The following CCDC93 variants were observed in gnomAD, a reference collection of about 807,000 sequenced individuals.
CCDC93 encodes the protein CCC complex scaffolding subunit CCDC93, also known as coiled-coil domain-containing protein 93.
In CCDC93, 61 loss-of-function variants were observed where a neutral mutation model predicts 108.2. The ratio of observed to expected loss-of-function variants is 0.56; its 90% CI spans 0.46 to 0.70. The LOEUF (loss-of-function observed/expected upper bound fraction) is 0.70. CCDC93 is among the 30% of genes least tolerant of loss of function. CCDC93 has a pLI of 0.00. For synonymous variants in CCDC93, 276 were observed against 260.4 expected (o/e 1.06, Z -0.58); for missense variants, 685 against 764.2 (o/e 0.90, Z 1.22).
At chr2:117,968,038 A>G (rs899851708) in intron 11 of CCDC93, among the ~76,000 whole-genome samples, 2 of 152,220 alleles carry the variant, frequency 1.3e-5, no homozygotes, top group Non-Finnish European at 2.9e-5. Flanking sequence ...GTGCCTCTAG[A>G]GCTATAAAAT....
chr2:117,934,125 ATTCATGGAGTTTTT>A (rs1371092097), intron 22 of CCDC93: 2 of 152,196 alleles, frequency 1.3e-5, no homozygotes, highest in Non-Finnish European at 2.9e-5. Flanking sequence ...AACAACAGGA[ATTCATGGAGTTTTT>A]TCCTTTGGCC....
rs1469333534 is a variant in CCDC93 at position 117,918,056 on chromosome 2, C to T, written c.*2287G>A. On this transcript the variant is annotated 3_prime_UTR_variant, in exon 24 of 24. Coordinates refer to ENST00000376300, the MANE Select transcript of CCDC93 (RefSeq NM_019044.5). ...TCCATACTATGTCTGTCTAAGCACA[C>T]AGAGCCATAGCCCTGGGAAGATGAC... is the stretch of plus-strand genomic sequence containing the variant. 1 of 152,166 alleles carries T rather than the reference C, an allele frequency of 6.6e-6. No homozygotes were observed. The highest frequency in any genetic ancestry group is 2.4e-5 in the African/African-American group (1 of 41,416). 9.4% of individuals were successfully genotyped at this position (152,166 alleles called of 1,614,324 possible).
intron 6 of CCDC93, among the ~76,000 whole-genome samples, chr2:117,988,287 G>C (rs1419835200): frequency 6.6e-6 from 1 of 152,150 alleles, no homozygotes; most frequent in Non-Finnish European, 1.5e-5. Context: ...AGGTTCACCT[G>C]TCAGAGTAAT....
intron 11 of CCDC93, among the ~76,000 whole-genome samples, chr2:117,962,370 G>C (rs754822306): frequency 6.6e-6 from 1 of 152,184 alleles, no homozygotes; most frequent in Non-Finnish European, 1.5e-5. Flanking sequence ...TAGGCTGGGC[G>C]CAGTGGCTCG....
Position 117,939,028 on chromosome 2 carries a change from C to T in CCDC93, c.1605+1G>A. 6.5e-7 allele frequency: 1 copy of T among 1,536,672 alleles called. No homozygotes were observed. Among genetic ancestry groups the T allele is most frequent in the Non-Finnish European group, 9.0e-7 (1 of 1,111,522 alleles). On this transcript the variant is annotated splice_donor_variant, in intron 20 of 23. Coordinates refer to ENST00000376300, the MANE Select transcript of CCDC93 (RefSeq NM_019044.5). LOFTEE classifies it high-confidence loss of function. ...CATTTTCTTTTTATAAATGTTCTTACCTCTTTTTCCAAATAAACCTTTTTA... is the reference window on the plus strand; with the variant it reads ...CATTTTCTTTTTATAAATGTTCTTATCTCTTTTTCCAAATAAACCTTTTTA...
intron 6 of CCDC93, among the ~76,000 whole-genome samples, 162 bp from the exon 7 acceptor site, chr2:117,986,231 C>T (rs1180977488): frequency 2.1e-5 from 3 of 141,540 alleles, no homozygotes; most frequent in Non-Finnish European, 3.0e-5. Flanking sequence ...GTGGCGCGAT[C>T]TCGGCTCACT....
At chr2:117,954,833 C>T (rs1242190475) in intron 12 of CCDC93, among the ~76,000 whole-genome samples, 1 of 152,144 alleles carries the variant, frequency 6.6e-6, no homozygotes, top group African/African-American at 2.4e-5. Context: ...CCATGGTGTT[C>T]TCGTGATAGT....
Position 117,973,890 on chromosome 2 carries a change from A to C in CCDC93, c.888+18T>G. On this transcript the variant is annotated intron_variant, in intron 11 of 23. Coordinates refer to ENST00000376300, the MANE Select transcript of CCDC93 (RefSeq NM_019044.5). ...GAGCATTATCTGGGGCACAGACTCC[A>C]GCTGGGCCCCCACCTACCTTCTCTG... 6.3e-7 allele frequency: 1 copy of C among 1,585,942 alleles called. No homozygotes were observed. Among genetic ancestry groups the C allele is most frequent in the Non-Finnish European group, 8.6e-7 (1 of 1,159,080 alleles).
chr2:117,983,223 A>G (rs999301522), intron 7 of CCDC93, among the ~76,000 whole-genome samples: 1 of 152,146 alleles, frequency 6.6e-6, no homozygotes, highest in African/African-American at 2.4e-5. Context: ...GGTCTGATTC[A>G]TTTCCCCTAA....
intron 1 of CCDC93, among the ~76,000 whole-genome samples, chr2:118,010,180 C>A (rs1420094122): frequency 6.6e-6 from 1 of 152,104 alleles, no homozygotes; most frequent in Non-Finnish European, 1.5e-5. Context: ...TAGTTTCGAT[C>A]TCCTGACCTC....
chr2:117,920,426 G>T (rs1334498131), intron 23 of CCDC93, 30 bp from the exon 24 acceptor site: 2 of 1,556,362 alleles, frequency 1.3e-6, no homozygotes, highest in South Asian at 2.3e-5. Context: ...TATAGAGAGA[G>T]TGGTGACTAC....
intron 20 of CCDC93, 79 bp from the exon 21 acceptor site, chr2:117,936,818 C>A: frequency 9.4e-7 from 1 of 1,058,654 alleles, no homozygotes; most frequent in South Asian, 1.3e-5. Context: ...GCAAGCTTGC[C>A]TGTCTCCACA....
chr2:117,956,574 G>C (rs1407672809), intron 12 of CCDC93, among the ~76,000 whole-genome samples: 1 of 152,194 alleles, frequency 6.6e-6, no homozygotes, highest in Non-Finnish European at 1.5e-5. Flanking sequence ...TCCTGATTCT[G>C]TGATGAGTTC....
Position 117,975,174 on chromosome 2 carries a change from C to T in CCDC93, c.750+14G>A. ...TTACACAGAAACCTCAGAGGGCCTACATGGACCACACACCTCTTCAGCTGC... is the reference window on the plus strand; with the variant it reads ...TTACACAGAAACCTCAGAGGGCCTATATGGACCACACACCTCTTCAGCTGC... On this transcript the variant is annotated intron_variant, in intron 9 of 23. Coordinates refer to ENST00000376300, the MANE Select transcript of CCDC93 (RefSeq NM_019044.5). 6.2e-7 allele frequency: 1 copy of T among 1,608,708 alleles called. No homozygotes were observed. The highest frequency in any genetic ancestry group is 1.1e-5 in the South Asian group (1 of 90,938).
chr2:117,943,127 G>A (rs1678758027), intron 18 of CCDC93, among the ~76,000 whole-genome samples: 1 of 152,170 alleles, frequency 6.6e-6, no homozygotes, highest in South Asian at 2.1e-4. Flanking sequence ...CAAGCCACTG[G>A]CTTTACTGAA....
chr2:117,977,973 T>C (rs889794835), intron 8 of CCDC93, 21 bp downstream of exon 8: 1 of 1,609,220 alleles, frequency 6.2e-7, no homozygotes, highest in African/African-American at 1.3e-5. Flanking sequence ...TATTCTCTCT[T>C]ACTATCAATG....
intron 13 of CCDC93, chr2:117,950,282 A>T (rs1230755904): frequency 1.0e-6 from 1 of 985,178 alleles, no homozygotes; most frequent in African/African-American, 1.7e-5. Flanking sequence ...CAATTCAACA[A>T]GTCAATTCTG....
chr2:117,987,859 T>A (rs1204652483), intron 6 of CCDC93, among the ~76,000 whole-genome samples: 1 of 152,202 alleles, frequency 6.6e-6, no homozygotes, highest in African/African-American at 2.4e-5. Context: ...TATTGAATAG[T>A]AGGTATGTGC....
Position 117,916,087 on chromosome 2 carries a change from T to C in CCDC93, c.*4256A>G, listed in dbSNP as rs1046330. 0.61 allele frequency: 92,695 copies of C among 151,958 alleles called. 28,926 individuals are homozygous for C. Among genetic ancestry groups the C allele is most frequent in the African/African-American group, 0.72 (29,970 of 41,452 alleles). The allele number at this position is 151,958 out of a possible 1,614,324, so 9.4% of individuals were successfully genotyped here. A position where few individuals can be genotyped will look rare whatever the true frequency, so the allele number is the denominator to read the frequency against. Reference sequence around the variant, plus strand: ...TAGCATTGCTAGTTCAAAGAGCTTATGCATTTGCACTTTTGATAGACACCG... The same window carrying C: ...TAGCATTGCTAGTTCAAAGAGCTTACGCATTTGCACTTTTGATAGACACCG... On this transcript the variant is annotated 3_prime_UTR_variant, in exon 24 of 24. Coordinates refer to ENST00000376300, the MANE Select transcript of CCDC93 (RefSeq NM_019044.5).
Sources: allele counts gnomAD v4.1 joint callset (sites outside exome capture counted in the v4.1 genomes callset), GRCh38; gene constraint gnomAD v4.1.1; transcripts MANE v1.5; gene names NCBI Gene and HGNC (gene_info 2026-07-23, HGNC 2026-07-21).